NKAIN3: variants seen among roughly 807,000 people sequenced by gnomAD.
The protein encoded by NKAIN3 is sodium/potassium-transporting ATPase subunit beta-1-interacting protein 3.
NKAIN3 carries 25 observed loss-of-function variants against 30.2 expected under a neutral mutation model. The observed-to-expected ratio is 0.83, with a 90% CI of 0.60 to 1.16. NKAIN3 has a LOEUF of 1.16. NKAIN3 is among the 50% of genes most tolerant of loss of function. The pLI, the probability that NKAIN3 is intolerant of heterozygous loss-of-function variation, is 0.00. For synonymous variants in NKAIN3, 91 were observed against 89.6 expected (o/e 1.02, Z -0.09); for missense variants, 225 against 254.1 (o/e 0.89, Z 0.78).
At position 62,262,758 on chromosome 8, in the gene NKAIN3, GACA is replaced by G. The variant is rs1812484300; in HGVS notation, c.54+13634_54+13636del. ...CTGTTGAAGCATTTCACAAGTAGAA[GACA>G]ACGTTTTGTAATATTTCACAGAGCC... On this transcript the variant is annotated intron_variant, in intron 1 of 6. Coordinates refer to ENST00000623646, the MANE Select transcript of NKAIN3 (RefSeq NM_001304533.3). Among the ~76,000 whole-genome samples the G allele has an allele frequency of 2.6e-5, 4 of 152,134 alleles. No individual in the cohort carries two copies. The South Asian group carries it at 8.3e-4, about 32-fold the overall frequency.
At chr8:62,943,849 G>T (rs911496087) in intron 5 of NKAIN3, among the ~76,000 whole-genome samples, 1 of 149,972 alleles carries the variant, frequency 6.7e-6, no homozygotes, top group Non-Finnish European at 1.5e-5. Flanking sequence ...TCAGCCATTA[G>T]AGGGAACAAA....
intron 4 of NKAIN3, among the ~76,000 whole-genome samples, chr8:62,813,932 G>T (rs768253267): frequency 6.6e-6 from 1 of 151,938 alleles, no homozygotes; most frequent in East Asian, 1.9e-4. Context: ...TTGACTGACA[G>T]GTTTTTCTTT....
chr8:62,566,060 T>G (rs1245818106), intron 1 of NKAIN3, among the ~76,000 whole-genome samples: 1 of 152,120 alleles, frequency 6.6e-6, no homozygotes, highest in Non-Finnish European at 1.5e-5. Flanking sequence ...AGAGGCTATC[T>G]CCATTTTTAA....
At chr8:62,917,648 C>T (rs74717128) in intron 4 of NKAIN3, among the ~76,000 whole-genome samples, 10,345 of 152,212 alleles carry the variant, frequency 0.068, 582 homozygotes, top group East Asian at 0.28. Context: ...TAGAAACAAA[C>T]GTTAACAAAG....
At chr8:62,306,013 C>A (rs1410161275) in intron 1 of NKAIN3, among the ~76,000 whole-genome samples, 1 of 150,326 alleles carries the variant, frequency 6.7e-6, no homozygotes, top group African/African-American at 2.5e-5. Context: ...CAGTGTATTC[C>A]ATTTTCTTGA....
intron 1 of NKAIN3, among the ~76,000 whole-genome samples, chr8:62,531,813 A>G (rs1808499603): frequency 6.6e-6 from 1 of 152,326 alleles, no homozygotes; most frequent in Middle Eastern, 3.4e-3. Flanking sequence ...TTTAGCAGCC[A>G]CACCACCACC....
At chr8:62,431,221 A>T (rs889357074) in intron 1 of NKAIN3, among the ~76,000 whole-genome samples, 16 of 151,908 alleles carry the variant, frequency 1.1e-4, no homozygotes, top group African/African-American at 2.7e-4. Context: ...GTCATTAGTC[A>T]GGCTGCATTC....
In NKAIN3 at chr8:62,973,413, G is replaced by T. The variant is rs1404223530; in HGVS notation, c.*8006G>T. Among the ~76,000 whole-genome samples the T allele has an allele frequency of 6.6e-6, 1 of 151,588 alleles. No homozygotes were observed. Among genetic ancestry groups the T allele is most frequent in the African/African-American group, 2.4e-5 (1 of 41,400 alleles). On this transcript the variant is annotated 3_prime_UTR_variant, in exon 7 of 7. Coordinates refer to ENST00000623646, the MANE Select transcript of NKAIN3 (RefSeq NM_001304533.3). ...TCGTTTTGATTTGCATTTCTCTAATGACCAGTGATGATGAGATTTTTTTTT... is the reference window on the plus strand; with the variant it reads ...TCGTTTTGATTTGCATTTCTCTAATTACCAGTGATGATGAGATTTTTTTTT...
chr8:62,759,646 A>G (rs959500489), intron 4 of NKAIN3, among the ~76,000 whole-genome samples: 1 of 152,218 alleles, frequency 6.6e-6, no homozygotes, highest in African/African-American at 2.4e-5. Flanking sequence ...CTAGGTGACA[A>G]GTGAAATTGC....
intron 1 of NKAIN3, among the ~76,000 whole-genome samples, chr8:62,400,176 T>C (rs1042964718): frequency 1.4e-5 from 2 of 147,934 alleles, no homozygotes; most frequent in Admixed American, 6.7e-5. Flanking sequence ...TTTTTTTTTT[T>C]TTTTTTTGAG....
chr8:62,490,471 G>A (rs567793472), intron 1 of NKAIN3, among the ~76,000 whole-genome samples: 32 of 152,150 alleles, frequency 2.1e-4, no homozygotes, highest in Non-Finnish European at 3.7e-4. Context: ...TTGTGAAGAA[G>A]GAATGTTAGA....
intron 1 of NKAIN3, among the ~76,000 whole-genome samples, chr8:62,393,964 A>C (rs1257357525): frequency 6.6e-6 from 1 of 152,174 alleles, no homozygotes; most frequent in African/African-American, 2.4e-5. Context: ...TGTTAGACTC[A>C]TTAGCTTTAG....
intron 1 of NKAIN3, among the ~76,000 whole-genome samples, chr8:62,317,852 A>C (rs1814699818): frequency 1.3e-5 from 2 of 152,290 alleles, no homozygotes; most frequent in East Asian, 1.9e-4. Context: ...CATTGAATCT[A>C]TAAATTACCT....
intron 1 of NKAIN3, among the ~76,000 whole-genome samples, chr8:62,258,408 A>T (rs1708434684): frequency 6.6e-6 from 1 of 152,194 alleles, no homozygotes; most frequent in African/African-American, 2.4e-5. Context: ...AAACTTTGAG[A>T]GGCTGAGGTG....
intron 1 of NKAIN3, among the ~76,000 whole-genome samples, chr8:62,397,683 A>G (rs1174927002): frequency 6.6e-6 from 1 of 152,154 alleles, no homozygotes; most frequent in Admixed American, 6.5e-5. Context: ...TGAATTACCT[A>G]CAGTTTGTAA....
intron 1 of NKAIN3, among the ~76,000 whole-genome samples, chr8:62,566,819 C>T (rs1481457228): frequency 6.6e-6 from 1 of 152,030 alleles, no homozygotes; most frequent in Non-Finnish European, 1.5e-5. Flanking sequence ...CTGAATGTTA[C>T]TATTGATCAT....
intron 1 of NKAIN3, among the ~76,000 whole-genome samples, chr8:62,486,182 C>T (rs771466078): frequency 2.0e-5 from 3 of 151,936 alleles, no homozygotes; most frequent in South Asian, 2.1e-4. Context: ...TAAAATGAGT[C>T]GGCAAAGGAG....
At chr8:62,630,196 C>G (rs1456860101) in intron 3 of NKAIN3, among the ~76,000 whole-genome samples, 1 of 152,038 alleles carries the variant, frequency 6.6e-6, no homozygotes, top group Admixed American at 6.6e-5. Context: ...GTACTATTCT[C>G]TTTTTCTGGC....
intron 3 of NKAIN3, among the ~76,000 whole-genome samples, chr8:62,634,691 G>A (rs775161134): frequency 6.6e-6 from 1 of 152,182 alleles, no homozygotes; most frequent in Non-Finnish European, 1.5e-5. Flanking sequence ...AGACAGAGAT[G>A]GAAAGGAGCA....
Sources: gnomAD v4.1 joint callset for allele counts (sites outside exome capture counted in the v4.1 genomes callset) on GRCh38, gnomAD v4.1.1 for gene constraint, MANE v1.5 for transcripts, NCBI Gene and HGNC (gene_info 2026-07-23, HGNC 2026-07-21) for gene names.